KATNIP: variants seen among roughly 807,000 people sequenced by gnomAD.
KATNIP encodes katanin interacting protein.
KATNIP carries 126 observed loss-of-function variants against 174.0 expected under a neutral mutation model. That is an observed-to-expected ratio of 0.72 (90% CI 0.63 to 0.84). KATNIP has a LOEUF of 0.84. Among genes scored for constraint, KATNIP ranks in the 40% least tolerant of loss-of-function variants. KATNIP has a pLI of 0.00. For missense variants in KATNIP, 1,958 were observed against 2,109.7 expected, an observed-to-expected ratio of 0.93 and a Z score of 1.41; for synonymous variants, 810 against 835.7, an observed-to-expected ratio of 0.97 and a Z score of 0.53.
At chr16:27,649,631 C>T (rs527412239) in intron 6 of KATNIP, among the ~76,000 whole-genome samples, 6 of 152,366 alleles carry the variant, frequency 3.9e-5, no homozygotes, top group East Asian at 1.9e-4. Flanking sequence ...GCTGGGATTA[C>T]AGGCATGGGT....
chr16:27,764,148 A>G (rs549694126), intron 19 of KATNIP, among the ~76,000 whole-genome samples: 12 of 152,248 alleles, frequency 7.9e-5, no homozygotes, highest in Non-Finnish European at 1.5e-4. Flanking sequence ...TAACTGCAAT[A>G]AAGAGAGAAT....
In KATNIP at chr16:27,749,843, C is replaced by T. The variant is rs142735534; in HGVS notation, c.2883C>T (p.Asp961=). ...AGGATGGCTACTCTGGAGAGACAGA[C>T]GCTGGGGGTGACTTTAAAATCCCCG... The part of the protein sequence containing the change: ...RGQDGYSGET[D]AGGDFKIPVL... The change falls in exon 16 of 28, where the codon GAC becomes GAT. Residue 961 remains aspartate, a synonymous_variant. Transcript: ENST00000261588. The T allele has an allele frequency of 2.9e-5, 47 of 1,613,898 alleles. No homozygotes were observed. In the East Asian group the frequency reaches 5.6e-4, roughly 19 times the overall value.
At chr16:27,768,720 G>A (rs769528274) in intron 20 of KATNIP, among the ~76,000 whole-genome samples, 10 of 152,208 alleles carry the variant, frequency 6.6e-5, no homozygotes, top group Non-Finnish European at 1.0e-4. Flanking sequence ...CCCGAAGCCA[G>A]GTAGCACCAC....
At chr16:27,692,828 C>CTGT in intron 8 of KATNIP, among the ~76,000 whole-genome samples, 1 of 152,324 alleles carries the variant, frequency 6.6e-6, no homozygotes, top group East Asian at 1.9e-4. Flanking sequence ...CCTGTACTCC[C>CTGT]ACACCAAGAG....
At chr16:27,678,461 C>T (rs1437763396) in intron 7 of KATNIP, among the ~76,000 whole-genome samples, 3 of 152,082 alleles carry the variant, frequency 2.0e-5, no homozygotes, top group Admixed American at 2.0e-4. Context: ...TGTCTTCTCC[C>T]ATCTCCCTCT....
chr16:27,735,454 C>T (rs188472886), intron 14 of KATNIP, among the ~76,000 whole-genome samples: 1 of 152,316 alleles, frequency 6.6e-6, no homozygotes, highest in Admixed American at 6.5e-5. Flanking sequence ...ACCAGATATC[C>T]CTGTGGCAGT....
At chr16:27,624,291 G>A (rs1025186689) in intron 3 of KATNIP, among the ~76,000 whole-genome samples, 1 of 151,922 alleles carries the variant, frequency 6.6e-6, no homozygotes, top group Non-Finnish European at 1.5e-5. Context: ...ACTCCTCCCC[G>A]AACCACCCCA....
At chr16:27,668,319 A>T (rs184958499) in intron 6 of KATNIP, among the ~76,000 whole-genome samples, 1 of 152,238 alleles carries the variant, frequency 6.6e-6, no homozygotes, top group African/African-American at 2.4e-5. Flanking sequence ...GAGGTGATTG[A>T]ATTATGGGGT....
intron 13 of KATNIP, among the ~76,000 whole-genome samples, chr16:27,716,766 C>CA (rs1325642940): frequency 6.6e-6 from 1 of 152,138 alleles, no homozygotes; most frequent in Non-Finnish European, 1.5e-5. Flanking sequence ...CCAGTCCTGA[C>CA]AATGGAAACC....
At chr16:27,673,530 C>G (rs1567284363) in intron 6 of KATNIP, among the ~76,000 whole-genome samples, 1 of 152,362 alleles carries the variant, frequency 6.6e-6, no homozygotes, top group East Asian at 1.9e-4. Context: ...TGAACCCGCA[C>G]TTGCTTTAAT....
chr16:27,627,649 T>G (rs1188421747), intron 3 of KATNIP, among the ~76,000 whole-genome samples: 1 of 152,270 alleles, frequency 6.6e-6, no homozygotes, highest in Non-Finnish European at 1.5e-5. Flanking sequence ...GAATCGACTT[T>G]AGGTTTTTAG....
chr16:27,566,967 T>A (rs960522568), intron 1 of KATNIP, among the ~76,000 whole-genome samples: 1 of 152,212 alleles, frequency 6.6e-6, no homozygotes, highest in African/African-American at 2.4e-5. Flanking sequence ...CTCAAATAAA[T>A]GAGCAGGTCA....
intron 2 of KATNIP, among the ~76,000 whole-genome samples, chr16:27,579,315 T>G (rs868024583): frequency 3.9e-5 from 6 of 152,300 alleles, no homozygotes; most frequent in South Asian, 2.1e-4. Context: ...GGGCTGCAGT[T>G]CAGGTCCTGA....
At chr16:27,678,970 C>G (rs1425377306) in intron 7 of KATNIP, 1 of 152,364 alleles carries the variant, frequency 6.6e-6, no homozygotes, top group African/African-American at 2.4e-5. Context: ...TGTTCCTAAG[C>G]TTTGACTCGG....
chr16:27,708,942 T>C, intron 13 of KATNIP, 22 bp downstream of exon 13: 1 of 1,578,228 alleles, frequency 6.3e-7, no homozygotes, highest in Non-Finnish European at 8.7e-7. Context: ...GGGCACTGGA[T>C]TGCTTCTTGG....
At chr16:27,735,693 G>T (rs1322940204) in intron 14 of KATNIP, among the ~76,000 whole-genome samples, 2 of 152,222 alleles carry the variant, frequency 1.3e-5, no homozygotes, top group Non-Finnish European at 2.9e-5. Context: ...CGTAACGCAG[G>T]CCGGACAGTT....
At chr16:27,748,507 C>T (rs79503766) in intron 15 of KATNIP, among the ~76,000 whole-genome samples, 5,400 of 152,274 alleles carry the variant, frequency 0.035, 237 homozygotes, top group African/African-American at 0.097. Flanking sequence ...GGGAGGATCA[C>T]CTGAGCCTGG....
At chr16:27,602,385 C>T (rs1430927711) in intron 2 of KATNIP, among the ~76,000 whole-genome samples, 1 of 152,182 alleles carries the variant, frequency 6.6e-6, no homozygotes, top group East Asian at 1.9e-4. Flanking sequence ...TCCATCTCCT[C>T]CCACTCCCCT....
At chr16:27,766,889 A>G (rs2082144913) in intron 20 of KATNIP, among the ~76,000 whole-genome samples, 1 of 152,094 alleles carries the variant, frequency 6.6e-6, no homozygotes, top group Admixed American at 6.5e-5. Flanking sequence ...TAGGGTCTAA[A>G]ACTGAGGTCC....
Sources: gnomAD v4.1 joint callset for allele counts (sites outside exome capture counted in the v4.1 genomes callset) on GRCh38, gnomAD v4.1.1 for gene constraint, MANE v1.5 for transcripts, NCBI Gene and HGNC (gene_info 2026-07-23, HGNC 2026-07-21) for gene names.